Variants in PCSK6 observed in about 807,000 individuals in gnomAD.
PCSK6 encodes proprotein convertase subtilisin/kexin type 6.
In PCSK6, 85 loss-of-function variants were observed where a neutral mutation model predicts 123.3. That is an observed-to-expected ratio of 0.69 (90% CI 0.58 to 0.83). The LOEUF (loss-of-function observed/expected upper bound fraction) is 0.83. PCSK6 is among the 40% of genes least tolerant of loss of function. The pLI is 0.00. For synonymous variants in PCSK6, 508 were observed against 516.0 expected (o/e 0.98, Z 0.21); for missense variants, 1,191 against 1,282.3 (o/e 0.93, Z 1.09).
At chr15:101,376,833 A>C (rs1459506399) in intron 11 of PCSK6, among the ~76,000 whole-genome samples, 1 of 152,114 alleles carries the variant, frequency 6.6e-6, no homozygotes, top group African/African-American at 2.4e-5. Context: ...ACTGCACAGC[A>C]CCCCACAGAT....
At chr15:101,307,382 C>T (rs1382016061) in intron 20 of PCSK6, 57 bp from the exon 21 acceptor site, 2 of 1,325,042 alleles carry the variant, frequency 1.5e-6, no homozygotes, top group Non-Finnish European at 2.1e-6. Flanking sequence ...CCACTCCGGG[C>T]TCCCTTCCCA....
intron 13 of PCSK6, among the ~76,000 whole-genome samples, chr15:101,339,047 G>A (rs1344942485): frequency 6.6e-6 from 1 of 152,188 alleles, no homozygotes; most frequent in Non-Finnish European, 1.5e-5. Context: ...GGTTGAATTT[G>A]CCAACAGGAA....
At position 101,304,837 on chromosome 15, in the gene PCSK6, G is replaced by C. The variant is rs1401633536; in HGVS notation, c.*421C>G. 5.8e-6 allele frequency: 1 copy of C among 173,058 alleles called. No homozygotes were observed. The highest frequency in any genetic ancestry group is 2.4e-5 in the African/African-American group (1 of 41,970). 10.7% of individuals were successfully genotyped at this position (173,058 alleles called of 1,614,324 possible). A position where few individuals can be genotyped will look rare whatever the true frequency, so the allele number is the denominator to read the frequency against. On this transcript the variant is annotated 3_prime_UTR_variant, in exon 22 of 22. Coordinates refer to ENST00000611716, the MANE Select transcript of PCSK6 (RefSeq NM_002570.5). ...CTTTGTCACATGTGAGGATGGCCCA[G>C]GGTTCGCCAGCTGGGCCGGGGAGAT...
Position 101,305,095 on chromosome 15 carries a change from C to T in PCSK6, c.*163G>A, listed in dbSNP as rs997213578. ...CATTTTAGGAACACCTCCTTAAGAG[C>T]CACCACCCACCTGGCTTGGGTGCTC... On this transcript the variant is annotated 3_prime_UTR_variant, in exon 22 of 22. Coordinates refer to ENST00000611716, the MANE Select transcript of PCSK6 (RefSeq NM_002570.5). This position sits in a 1 kb window ranked among gnomAD's most constrained non-coding sequence, Gnocchi z 4.8. The T allele has an allele frequency of 8.2e-6, 5 of 610,042 alleles. No homozygotes were observed. Among genetic ancestry groups the T allele is most frequent in the Non-Finnish European group, 1.2e-5 (4 of 343,516 alleles). The allele number at this position is 610,042 out of a possible 1,614,324, so 37.8% of individuals were successfully genotyped here.
chr15:101,348,202 G>A (rs1016019635), intron 13 of PCSK6, among the ~76,000 whole-genome samples: 2 of 152,042 alleles, frequency 1.3e-5, no homozygotes, highest in Admixed American at 1.3e-4. Context: ...GCTCCTCCCC[G>A]GTGGGAACGT....
intron 1 of PCSK6, among the ~76,000 whole-genome samples, chr15:101,464,826 G>A (rs541314857): frequency 9.2e-5 from 14 of 152,274 alleles, no homozygotes; most frequent in Admixed American, 2.6e-4. Context: ...GAGGCTGTCC[G>A]CTCTATCCCG....
chr15:101,400,417 C>A (rs547931319), intron 6 of PCSK6, among the ~76,000 whole-genome samples: 2 of 152,362 alleles, frequency 1.3e-5, no homozygotes, highest in Admixed American at 1.3e-4. Context: ...CCATACTAGT[C>A]TGCGCCTGTT....
intron 13 of PCSK6, among the ~76,000 whole-genome samples, chr15:101,351,351 T>G (rs1381352777): frequency 2.0e-5 from 3 of 152,250 alleles, no homozygotes; most frequent in Non-Finnish European, 2.9e-5. Flanking sequence ...TGAAGAGATA[T>G]TCTTTCAGTA....
At chr15:101,460,000 T>C (rs1008986162) in intron 1 of PCSK6, among the ~76,000 whole-genome samples, 12 of 152,012 alleles carry the variant, frequency 7.9e-5, no homozygotes, top group African/African-American at 2.9e-4. Context: ...GTGCGTTAGG[T>C]TCTGTGAAAT....
chr15:101,410,295 C>A (rs751052273), intron 6 of PCSK6, among the ~76,000 whole-genome samples: 2 of 152,202 alleles, frequency 1.3e-5, no homozygotes, highest in African/African-American at 4.8e-5. Flanking sequence ...CCTGCACTCA[C>A]CTTGGAGGTG....
chr15:101,450,771 A>T (rs967887772), intron 1 of PCSK6, among the ~76,000 whole-genome samples: 3 of 152,000 alleles, frequency 2.0e-5, no homozygotes, highest in Non-Finnish European at 4.4e-5. Context: ...GCTCTCTCTC[A>T]GTCCCCGTCC....
At position 101,305,637 on chromosome 15, in the gene PCSK6, G is replaced by T; in HGVS notation, c.2813-282C>A. The T allele has an allele frequency of 2.9e-6, 1 of 348,222 alleles. No homozygotes were observed. The highest frequency in any genetic ancestry group is 3.5e-5 in the South Asian group (1 of 28,966). 21.6% of individuals were successfully genotyped at this position (348,222 alleles called of 1,614,324 possible). A position where few individuals can be genotyped will look rare whatever the true frequency, so the allele number is the denominator to read the frequency against. ...GCAGGAGAACCACCTGAACCCAGGA[G>T]GCAGAGGTTGCAGTGAGCTGAGATC... On this transcript the variant is annotated intron_variant, in intron 21 of 21. Coordinates refer to ENST00000611716, the MANE Select transcript of PCSK6 (RefSeq NM_002570.5). This position sits in a 1 kb window ranked among gnomAD's most constrained non-coding sequence, Gnocchi z 4.8.
At chr15:101,478,127 T>C (rs760820300) in intron 1 of PCSK6, among the ~76,000 whole-genome samples, 1 of 152,156 alleles carries the variant, frequency 6.6e-6, no homozygotes, top group Admixed American at 6.5e-5. Flanking sequence ...AGACTCTGTC[T>C]ATGAGGAAGG....
At chr15:101,412,619 C>A (rs1386988461) in intron 6 of PCSK6, among the ~76,000 whole-genome samples, 2 of 149,450 alleles carry the variant, frequency 1.3e-5, no homozygotes, top group East Asian at 1.9e-4. Context: ...ACTGGAAATA[C>A]AATAATCAAA....
rs1319329826 is a variant in PCSK6, at chr15:101,305,209, A to G, written c.*49T>C. 6.9e-7 allele frequency: 1 copy of G among 1,456,810 alleles called. No homozygotes were observed. The highest frequency in any genetic ancestry group is 1.8e-5 in the Admixed American group (1 of 55,860). 90.2% of individuals were successfully genotyped at this position (1,456,810 alleles called of 1,614,324 possible). On this transcript the variant is annotated 3_prime_UTR_variant, in exon 22 of 22. Transcript: ENST00000611716. The surrounding 1 kb of genome is among the most constrained non-coding windows in gnomAD (Gnocchi z 4.8). ...TGGCCGACAGTCTGGAGGAAGGTGG[A>G]CGGATGGATGGATGGGAGTGCCTGC... is the stretch of plus-strand genomic sequence containing the variant.
Position 101,318,373 on chromosome 15 carries a change from C to G in PCSK6, c.2515G>C (p.Asp839His), listed in dbSNP as rs928452854. ...IPDCEPGTYF[D>H]SELIRCGECH... ...TCCCCACATCTGATCAGCTCTGAGT[C>G]AAAGTAGGTGCCTGGCTCACAGTCA... Residue 839 changes from aspartate (D) to histidine (H), a missense_variant, in exon 19 of 22, where the codon GAC becomes CAC. By Grantham distance (81) the Asp-to-His change is moderately conservative. This residue lies in a region of PCSK6 where 630 missense variants were observed against 631.4 expected (regional missense o/e 1.00). Coordinates refer to ENST00000611716, the MANE Select transcript of PCSK6 (RefSeq NM_002570.5). 1 of 1,566,116 alleles carries G rather than the reference C, an allele frequency of 6.4e-7. No homozygotes were observed. The highest frequency in any genetic ancestry group is 8.7e-7 in the Non-Finnish European group (1 of 1,155,476).
At chr15:101,331,073 G>A (rs2040361935) in intron 15 of PCSK6, among the ~76,000 whole-genome samples, 1 of 152,164 alleles carries the variant, frequency 6.6e-6, no homozygotes, top group African/African-American at 2.4e-5. Flanking sequence ...ATTGCTACAG[G>A]AGGGCTCAGA....
chr15:101,424,986 G>C (rs941316738), intron 6 of PCSK6, among the ~76,000 whole-genome samples: 2 of 152,172 alleles, frequency 1.3e-5, no homozygotes, highest in Non-Finnish European at 2.9e-5. Context: ...TCTTTGGAGG[G>C]AACCAACAAG....
At chr15:101,341,560 C>G (rs2040609801) in intron 13 of PCSK6, among the ~76,000 whole-genome samples, 1 of 152,146 alleles carries the variant, frequency 6.6e-6, no homozygotes, top group Admixed American at 6.5e-5. Context: ...CCATGCCCGG[C>G]CTAAAAATTT....
Sources: allele counts gnomAD v4.1 joint callset (sites outside exome capture counted in the v4.1 genomes callset), GRCh38; gene constraint gnomAD v4.1.1; regional missense constraint gnomAD v4.1.1; non-coding constraint Gnocchi (gnomAD v3.1); transcripts MANE v1.5; gene names NCBI Gene and HGNC (gene_info 2026-07-23, HGNC 2026-07-21).